The following CCL28 variants were observed in gnomAD, a reference collection of about 807,000 sequenced individuals.
The protein encoded by CCL28 is C-C motif chemokine ligand 28.
In CCL28, 4 loss-of-function variants were observed where a neutral mutation model predicts 7.1. The observed-to-expected ratio is 0.56, with a 90% confidence interval of 0.28 to 1.29. The LOEUF is 1.29. Among genes scored for constraint, CCL28 ranks in the 50% most tolerant of loss-of-function variants. The probability of loss-of-function intolerance (pLI) is 0.11; values close to 1 mark genes in which losing one functional copy is unlikely to be tolerated. For missense variants in CCL28, 151 were observed against 163.4 expected, an observed-to-expected ratio of 0.92 and a Z score of 0.41; for synonymous variants, 55 against 57.8, an observed-to-expected ratio of 0.95 and a Z score of 0.22.
chr5:43,357,706 G>A, the CCL28 span, among the ~76,000 whole-genome samples: 1 of 152,162 alleles, frequency 6.6e-6, no homozygotes, highest in South Asian at 2.1e-4. Flanking sequence ...AAGGGAAGGG[G>A]AGTGTAGGCT....
Position 43,381,903 on chromosome 5 carries a change from T to G in CCL28, c.341A>C (p.His114Pro). The change falls in exon 3 of 3, where the codon CAT becomes CCT. Residue 114 changes from histidine (H) to proline (P), a missense_variant. His to Pro is a moderately conservative substitution (Grantham distance 77). Coordinates refer to ENST00000361115, the MANE Select transcript of CCL28 (RefSeq NM_148672.3). ...GCCGTATGTTTCGTGTTTCCCCTGA[T>G]GTGCCCTGTTACTGTTCCTCTTGCC... ...HHGKRNSNRA[H>P]QGKHETYGHK... 1 of 1,614,194 alleles carries G rather than the reference T, an allele frequency of 6.2e-7. No homozygotes were observed. The highest frequency in any genetic ancestry group is 1.1e-5 in the South Asian group (1 of 91,076).
chr5:43,377,716 ACTTTTTT>A (rs1448075051), downstream of CCL28, among the ~76,000 whole-genome samples: 46 of 45,666 alleles, frequency 1.0e-3, no homozygotes, highest in South Asian at 6.2e-3. Flanking sequence ...TAGAACTTAA[ACTTTTTT>A]TTTTTTTTTT....
chr5:43,403,349 C>T (rs1741122460), intron 1 of CCL28, among the ~76,000 whole-genome samples: 1 of 152,198 alleles, frequency 6.6e-6, no homozygotes, highest in Non-Finnish European at 1.5e-5. Flanking sequence ...ATTTGCCATT[C>T]TGCAATATTT....
chr5:43,412,241 G>T lies in CCL28; in HGVS notation c.64+12C>A. ...TCCAGTGAAGGCCTAAGTGTCCAGT[G>T]CCCCCACTCACCTTCTGAGGCATGT... On this transcript the variant is annotated intron_variant, in intron 1 of 2. Transcript: ENST00000361115. 1.2e-6 allele frequency: 2 copies of T among 1,608,266 alleles called. No homozygotes were observed. The highest frequency in any genetic ancestry group is 2.2e-5 in the South Asian group (2 of 89,958).
At chr5:43,363,165 G>C in the CCL28 span, among the ~76,000 whole-genome samples, 1 of 152,172 alleles carries the variant, frequency 6.6e-6, no homozygotes, top group Non-Finnish European at 1.5e-5. Flanking sequence ...CCAGATATGA[G>C]GTAGAGAGAT....
chr5:43,364,093 T>C, the CCL28 span, among the ~76,000 whole-genome samples: 20 of 152,214 alleles, frequency 1.3e-4, no homozygotes, highest in African/African-American at 4.1e-4. Flanking sequence ...ATATATCTTC[T>C]TTTCTTTTTC....
At position 43,381,825 on chromosome 5, in the gene CCL28, G is replaced by C; in HGVS notation, c.*35C>G. The C allele has an allele frequency of 6.5e-7, 1 of 1,536,632 alleles. No individual in the cohort carries two copies. Among genetic ancestry groups the C allele is most frequent in the Non-Finnish European group, 8.9e-7 (1 of 1,122,702 alleles). ...CAACCAATCATGGCCAAGTCCACTT[G>C]AGGAATTGTCTCTGTAGATTTATCT... On this transcript the variant is annotated 3_prime_UTR_variant, in exon 3 of 3. Transcript: ENST00000361115.
intron 1 of CCL28, among the ~76,000 whole-genome samples, chr5:43,407,312 A>C (rs1741325411): frequency 6.6e-6 from 1 of 152,262 alleles, no homozygotes; most frequent in Admixed American, 6.5e-5. Flanking sequence ...CCAATGGAAC[A>C]GAACAGAGTC....
rs2111674447 is a variant in CCL28 at position 43,379,392 on chromosome 5, A to C, written c.*2468T>G. 1 of 152,240 alleles carries C rather than the reference A, an allele frequency of 6.6e-6. No homozygotes were observed. Among genetic ancestry groups the C allele is most frequent in the African/African-American group, 2.4e-5 (1 of 41,544 alleles). The allele number at this position is 152,240 out of a possible 1,614,324, so 9.4% of individuals were successfully genotyped here. A position where few individuals can be genotyped will look rare whatever the true frequency, so the allele number is the denominator to read the frequency against. The stretch of plus-strand genomic sequence containing the variant: ...AGTTACTCTCATATTATATTTTATT[A>C]ATTTTTTCTTATTTAAAAAGCTTGT... On this transcript the variant is annotated 3_prime_UTR_variant, in exon 3 of 3. Transcript: ENST00000361115.
rs138750737 is a variant in CCL28 at position 43,409,826 on chromosome 5, G to C, written c.64+2427C>G. On this transcript the variant is annotated intron_variant, in intron 1 of 2. Coordinates refer to ENST00000361115, the MANE Select transcript of CCL28 (RefSeq NM_148672.3). ...CTAGATTGTGGGTTTAAATAATCAG[G>C]CTCAGGGCCACCGAAACAGGATGAT... is the stretch of plus-strand genomic sequence containing the variant. Among the ~76,000 whole-genome samples, 85 of 152,100 alleles carry C rather than the reference G, an allele frequency of 5.6e-4. No homozygotes were observed. In the East Asian group the frequency reaches 0.015, roughly 28 times the overall value.
intron 1 of CCL28, among the ~76,000 whole-genome samples, chr5:43,398,579 A>G (rs767668523): frequency 3.3e-5 from 5 of 152,202 alleles, no homozygotes; most frequent in Non-Finnish European, 5.9e-5. Flanking sequence ...AGCTGGGCAC[A>G]GTGGCTCATG....
chr5:43,381,942 C>G lies in CCL28; in HGVS notation c.302G>C (p.Arg101Thr). Residue 101 changes from arginine to threonine, a missense_variant, in exon 3 of 3, where the codon AGG becomes ACG. Arg to Thr is a moderately conservative substitution (Grantham distance 71). Coordinates refer to ENST00000361115, the MANE Select transcript of CCL28 (RefSeq NM_148672.3). ...GTTCCTCTTGCCATGGTGTTTCTTC[C>G]TGTGGCAAACATTTCCTTTACCATT... ...KKNGKGNVCHRKKHHGKRNSN... is the reference protein window; with the variant it reads ...KKNGKGNVCHTKKHHGKRNSN... The G allele has an allele frequency of 6.2e-7, 1 of 1,614,128 alleles. No homozygotes were observed. Among genetic ancestry groups the G allele is most frequent in the East Asian group, 2.2e-5 (1 of 44,884 alleles).
At chr5:43,365,828 C>T in the CCL28 span, among the ~76,000 whole-genome samples, 110 of 152,272 alleles carry the variant, frequency 7.2e-4, no homozygotes, top group African/African-American at 2.6e-3. Flanking sequence ...TTCATGTAGT[C>T]CCATATTTCT....
At chr5:43,410,679 T>C (rs1343165044) in intron 1 of CCL28, among the ~76,000 whole-genome samples, 1 of 152,178 alleles carries the variant, frequency 6.6e-6, no homozygotes, top group Non-Finnish European at 1.5e-5. Flanking sequence ...GAGCTGCCGC[T>C]GTGGGGACAG....
intron 1 of CCL28, among the ~76,000 whole-genome samples, chr5:43,395,707 A>AGTGAAAGCAAGTTTATT (rs1579738138): frequency 6.6e-6 from 1 of 152,212 alleles, no homozygotes; most frequent in East Asian, 1.9e-4. Context: ...CGCAGTGCAA[A>AGTGAAAGCAAGTTTATT]GTGAAAGCAA....
the CCL28 span, among the ~76,000 whole-genome samples, chr5:43,363,333 C>T: frequency 6.6e-6 from 1 of 152,184 alleles, no homozygotes; most frequent in African/African-American, 2.4e-5. Context: ...AGGAATACAA[C>T]AGGAAACACA....
chr5:43,410,430 A>G (rs1741488482), intron 1 of CCL28, among the ~76,000 whole-genome samples: 1 of 152,238 alleles, frequency 6.6e-6, no homozygotes, highest in Non-Finnish European at 1.5e-5. Context: ...CCTGTGGCCT[A>G]AACTGCCTTA....
the CCL28 span, among the ~76,000 whole-genome samples, chr5:43,361,946 G>GC: frequency 1.9e-5 from 2 of 103,918 alleles, no homozygotes; most frequent in Non-Finnish European, 4.1e-5. Context: ...CTCCAGCTTT[G>GC]TTTTTTTGCT....
chr5:43,395,805 C>A (rs1015983508), intron 1 of CCL28, among the ~76,000 whole-genome samples: 1 of 148,418 alleles, frequency 6.7e-6, no homozygotes, highest in Non-Finnish European at 1.5e-5. Flanking sequence ...ATGGTTATTT[C>A]TTGATGATAT....
Sources: gnomAD v4.1 joint callset for allele counts (sites outside exome capture counted in the v4.1 genomes callset) on GRCh38, gnomAD v4.1.1 for gene constraint, MANE v1.5 for transcripts, NCBI Gene and HGNC (gene_info 2026-07-23, HGNC 2026-07-21) for gene names.